OLFML2A: variants seen among roughly 807,000 people sequenced by gnomAD.
OLFML2A encodes the protein olfactomedin like 2A, also known as olfactomedin-like protein 2A.
Under a neutral mutation model 60.9 loss-of-function variants are expected in OLFML2A, and 47 were observed. The ratio of observed to expected loss-of-function variants is 0.77; its 90% CI spans 0.61 to 0.98. The LOEUF is 0.98. Among genes scored for constraint, OLFML2A ranks in the 50% least tolerant of loss-of-function variants. The pLI, the probability that OLFML2A is intolerant of heterozygous loss-of-function variation, is 0.00. For missense variants in OLFML2A, 922 were observed against 879.8 expected (o/e 1.05, Z -0.61); for synonymous variants, 372 against 375.0 (o/e 0.99, Z 0.09).
chr9:124,804,010 A>G, intron 5 of OLFML2A, 84 bp from the exon 6 acceptor site: 1 of 1,480,128 alleles, frequency 6.8e-7, no homozygotes, highest in Non-Finnish European at 9.2e-7. Context: ...AGGGCCCCTG[A>G]GATGGGGGCC....
intron 4 of OLFML2A, chr9:124,801,024 T>C (rs965478484): frequency 2.0e-5 from 31 of 1,551,324 alleles, no homozygotes; most frequent in Non-Finnish European, 2.4e-5. Context: ...TAAGAACCTC[T>C]CCCCTGCCCA....
In OLFML2A at chr9:124,810,348, A is replaced by G; in HGVS notation, c.1895A>G (p.Glu632Gly). Reference sequence around the variant, plus strand: ...ACCCAGATCGACTACAACCCCAAGGAGCGGGTGCTGTACGCCTGGGACAAT... The same window carrying G: ...ACCCAGATCGACTACAACCCCAAGGGGCGGGTGCTGTACGCCTGGGACAAT... ...YTTQIDYNPKERVLYAWDNGH... is the reference protein window; with the variant it reads ...YTTQIDYNPKGRVLYAWDNGH... Residue 632 changes from glutamate to glycine, a missense_variant, in exon 8 of 8, where the codon GAG becomes GGG. Coordinates refer to ENST00000373580, the MANE Select transcript of OLFML2A (RefSeq NM_182487.4). 6.2e-7 allele frequency: 1 copy of G among 1,604,072 alleles called. No homozygotes were observed. Among genetic ancestry groups the G allele is most frequent in the Non-Finnish European group, 8.5e-7 (1 of 1,179,894 alleles).
In OLFML2A at chr9:124,811,982, T is replaced by A. The variant is rs1262773402; in HGVS notation, c.*1570T>A. 1 of 152,350 alleles carries A rather than the reference T, an allele frequency of 6.6e-6. No individual in the cohort carries two copies. Among genetic ancestry groups the A allele is most frequent in the African/African-American group, 2.4e-5 (1 of 41,424 alleles). 9.4% of individuals were successfully genotyped at this position (152,350 alleles called of 1,614,324 possible). A position where few individuals can be genotyped will look rare whatever the true frequency, so the allele number is the denominator to read the frequency against. Reference sequence around the variant, plus strand: ...CTCCGCACATGGAGGCTGCCCTACCTGGGAAGGCACCCCAGCACCTGTGAA... The same window carrying A: ...CTCCGCACATGGAGGCTGCCCTACCAGGGAAGGCACCCCAGCACCTGTGAA... On this transcript the variant is annotated 3_prime_UTR_variant, in exon 8 of 8. Transcript: ENST00000373580.
intron 6 of OLFML2A, among the ~76,000 whole-genome samples, chr9:124,804,643 G>A (rs983447072): frequency 6.6e-6 from 1 of 151,708 alleles, no homozygotes; most frequent in Admixed American, 6.6e-5. Flanking sequence ...AGACTCGCTT[G>A]AACCCAGGAG....
chr9:124,797,408 G>C (rs1297362318), intron 3 of OLFML2A, among the ~76,000 whole-genome samples: 2 of 152,162 alleles, frequency 1.3e-5, no homozygotes, highest in Admixed American at 1.3e-4. Flanking sequence ...CTGAGGCTTG[G>C]AGAAGTAGCT....
At chr9:124,795,474 G>A (rs1588883893) in intron 3 of OLFML2A, among the ~76,000 whole-genome samples, 1 of 152,208 alleles carries the variant, frequency 6.6e-6, no homozygotes, top group African/African-American at 2.4e-5. Flanking sequence ...AGATTCCTTG[G>A]TGGCTGGGCA....
intron 1 of OLFML2A, among the ~76,000 whole-genome samples, chr9:124,783,856 G>T (rs1451055760): frequency 6.6e-6 from 1 of 152,192 alleles, no homozygotes; most frequent in Non-Finnish European, 1.5e-5. Flanking sequence ...CATATTTCAG[G>T]TACTAATAGG....
chr9:124,800,964 A>G, intron 4 of OLFML2A: 6 of 1,545,922 alleles, frequency 3.9e-6, no homozygotes, highest in Non-Finnish European at 5.3e-6. Flanking sequence ...TGCTAAAACT[A>G]GGAATGTTCC....
Position 124,810,671 on chromosome 9 carries a change from T to C in OLFML2A, c.*259T>C. 1 of 532,638 alleles carries C rather than the reference T, an allele frequency of 1.9e-6. No homozygotes were observed. The highest frequency in any genetic ancestry group is 2.4e-5 in the South Asian group (1 of 41,098). The allele number at this position is 532,638 out of a possible 1,614,324, so 33.0% of individuals were successfully genotyped here. A position where few individuals can be genotyped will look rare whatever the true frequency, so the allele number is the denominator to read the frequency against. On this transcript the variant is annotated 3_prime_UTR_variant, in exon 8 of 8. Transcript: ENST00000373580. ...GCACCTCCCTTGGAGGTAGAGATCA[T>C]GAACCCATTTAACAGACGAGGAGAC...
At position 124,777,349 on chromosome 9, in the gene OLFML2A, G is replaced by C; in HGVS notation, c.79G>C (p.Ala27Pro). ...GCTGCTGAGCGGCCGCCCCACGCGCGCCGACAGTAAGGTACGCACGCCCCT... is the reference window on the plus strand; with the variant it reads ...GCTGCTGAGCGGCCGCCCCACGCGCCCCGACAGTAAGGTACGCACGCCCCT... ...VLLLSGRPTR[A>P]DSKVFGDLDQ... is the part of the protein sequence containing the mutation. The change falls in exon 1 of 8, where the codon GCC (alanine) becomes CCC (proline). Residue 27 changes from alanine to proline, a missense_variant. Physicochemically the swap from Ala to Pro is conservative, Grantham distance 27 (BLOSUM62 -1). Transcript: ENST00000373580. This position sits in a 1 kb window ranked among gnomAD's most constrained non-coding sequence, Gnocchi z 6.2. 1 of 1,288,344 alleles carries C rather than the reference G, an allele frequency of 7.8e-7. No individual in the cohort carries two copies. The highest frequency in any genetic ancestry group is 9.9e-7 in the Non-Finnish European group (1 of 1,013,076). 79.8% of individuals were successfully genotyped at this position (1,288,344 alleles called of 1,614,324 possible). A position where few individuals can be genotyped will look rare whatever the true frequency, so the allele number is the denominator to read the frequency against.
chr9:124,811,038 G>A lies in OLFML2A; in HGVS notation c.*626G>A, dbSNP rs1367626539. 6.8e-6 allele frequency: 1 copy of A among 146,108 alleles called. No homozygotes were observed. Among genetic ancestry groups the A allele is most frequent in the Non-Finnish European group, 1.5e-5 (1 of 66,344 alleles). 9.1% of individuals were successfully genotyped at this position (146,108 alleles called of 1,614,324 possible). On this transcript the variant is annotated 3_prime_UTR_variant, in exon 8 of 8. Transcript: ENST00000373580. ...GTCTTTGGCCAGCCCCCTCAGCCCAGCCCACCCCACCCGCTGTCCGGCCAC... is the reference window on the plus strand; with the variant it reads ...GTCTTTGGCCAGCCCCCTCAGCCCAACCCACCCCACCCGCTGTCCGGCCAC...
intron 2 of OLFML2A, among the ~76,000 whole-genome samples, chr9:124,793,447 C>A (rs1478163911): frequency 1.3e-5 from 2 of 152,220 alleles, no homozygotes; most frequent in Non-Finnish European, 2.9e-5. Flanking sequence ...TGCCATTTCC[C>A]CGTCTGACCA....
At position 124,803,069 on chromosome 9, in the gene OLFML2A, C is replaced by T. The variant is rs569717694; in HGVS notation, c.920-1025C>T. On this transcript the variant is annotated intron_variant, in intron 5 of 7. Coordinates refer to ENST00000373580, the MANE Select transcript of OLFML2A (RefSeq NM_182487.4). ...GATTACAGGCACGTGCCACCATGCCCGACTAATTTTTGTATTTTTAGTAGA... is the reference window on the plus strand; with the variant it reads ...GATTACAGGCACGTGCCACCATGCCTGACTAATTTTTGTATTTTTAGTAGA... 5.9e-5 allele frequency among the ~76,000 whole-genome samples: 9 copies of T among 152,094 alleles called. No individual in the cohort carries two copies. In the East Asian group the frequency reaches 9.7e-4, roughly 16 times the overall value.
At chr9:124,783,813 TG>T (rs893561005) in intron 1 of OLFML2A, among the ~76,000 whole-genome samples, 2 of 152,244 alleles carry the variant, frequency 1.3e-5, no homozygotes, top group African/African-American at 4.8e-5. Context: ...ACCTATGGTG[TG>T]GGGGAGACAG....
chr9:124,800,914 C>A, intron 4 of OLFML2A: 1 of 1,537,890 alleles, frequency 6.5e-7, no homozygotes, highest in Non-Finnish European at 8.8e-7. Context: ...TCCCAGTTTG[C>A]CTGGGACTTG....
Position 124,778,910 on chromosome 9 carries a change from C to T in OLFML2A, c.90+1550C>T, listed in dbSNP as rs1277336646. The stretch of plus-strand genomic sequence containing the variant: ...GGCAAAAAAGTGACTTCCAATACCT[C>T]TCCAGCCTCTTTCCTGGTAGAATGT... On this transcript the variant is annotated intron_variant, in intron 1 of 7. Transcript: ENST00000373580. The T allele has an allele frequency of 4.1e-6, 4 of 982,092 alleles. No homozygotes were observed. The African/African-American group carries it at 7.0e-5, about 17-fold the overall frequency. The allele number at this position is 982,092 out of a possible 1,614,324, so 60.8% of individuals were successfully genotyped here. A position where few individuals can be genotyped will look rare whatever the true frequency, so the allele number is the denominator to read the frequency against.
intron 6 of OLFML2A, 52 bp from the exon 7 acceptor site, chr9:124,807,729 C>T: frequency 6.9e-7 from 1 of 1,459,752 alleles, no homozygotes; most frequent in African/African-American, 1.4e-5. Flanking sequence ...GTTGCTCTGG[C>T]TGGGGGGCTT....
rs956213702 is a variant in OLFML2A, at chr9:124,799,276, C to A, written c.463-9C>A. 2 of 1,595,140 alleles carry A rather than the reference C, an allele frequency of 1.3e-6. No individual in the cohort carries two copies. The highest frequency in any genetic ancestry group is 1.7e-5 in the Admixed American group (1 of 59,896). ...CCAGGAAAGACCTCCAATCCTGCCC[C>A]CTCCGCAGAGCATCAAGGCCAACCT... On this transcript the variant is annotated splice_polypyrimidine_tract_variant and intron_variant, in intron 3 of 7. Transcript: ENST00000373580.
intron 3 of OLFML2A, among the ~76,000 whole-genome samples, chr9:124,798,442 C>T (rs1270605768): frequency 6.6e-6 from 1 of 151,958 alleles, no homozygotes; most frequent in Non-Finnish European, 1.5e-5. Flanking sequence ...AAGAGGTTGT[C>T]GCAGTGAATT....
Sources: allele counts gnomAD v4.1 joint callset (sites outside exome capture counted in the v4.1 genomes callset), GRCh38; gene constraint gnomAD v4.1.1; non-coding constraint Gnocchi (gnomAD v3.1); transcripts MANE v1.5; gene names NCBI Gene and HGNC (gene_info 2026-07-23, HGNC 2026-07-21).